The following CDH13 variants were observed in gnomAD, a reference collection of about 807,000 sequenced individuals.
CDH13 encodes cadherin-13.
In CDH13, 24 loss-of-function variants were observed where a neutral mutation model predicts 63.8. The observed-to-expected ratio is 0.38, with a 90% CI of 0.27 to 0.53. CDH13 has a LOEUF of 0.53. Ranked by LOEUF, CDH13 falls within the 20% of genes least tolerant of loss-of-function variation. The pLI, the probability that CDH13 is intolerant of heterozygous loss-of-function variation, is 0.85. For missense variants in CDH13, 1,049 were observed against 903.1 expected (o/e 1.16, Z -2.07); for synonymous variants, 503 against 355.3 (o/e 1.42, Z -4.67).
rs71148805 is a variant in CDH13 at position 83,052,776 on chromosome 16, C to CA, written c.366+20586dup. 4.6e-3 allele frequency among the ~76,000 whole-genome samples: 431 copies of CA among 92,822 alleles called. 32 individuals carry two copies. Among genetic ancestry groups the CA allele is most frequent in the South Asian group, 7.7e-3 (22 of 2,852 alleles). The allele number at this position is 92,822 out of a possible 152,430, so 60.9% of individuals were successfully genotyped here. A position where few individuals can be genotyped will look rare whatever the true frequency, so the allele number is the denominator to read the frequency against. On this transcript the variant is annotated intron_variant, in intron 3 of 13. Transcript: ENST00000567109. The stretch of plus-strand genomic sequence containing the variant: ...TGGGTGACAGGGCGAGACTTTATCT[C>CA]AAAAAAAAAAAAAAAAAAAAAAAAA...
chr16:83,047,502 T>C lies in CDH13; in HGVS notation c.366+15284T>C, dbSNP rs1917909740. Among the ~76,000 whole-genome samples, 1 of 152,170 alleles carries C rather than the reference T, an allele frequency of 6.6e-6. No homozygotes were observed. Among genetic ancestry groups the C allele is most frequent in the East Asian group, 1.9e-4 (1 of 5,196 alleles). ...CTTTCCCTCAGGCCTTTGCGTAATA[T>C]TTTCTCTGCATGGAAGGGGAGGATA... On this transcript the variant is annotated intron_variant, in intron 3 of 13. Transcript: ENST00000567109. The surrounding 1 kb of genome is among the most constrained non-coding windows in gnomAD (Gnocchi z 4.9).
At chr16:83,490,081 G>A (rs1053582673) in intron 7 of CDH13, among the ~76,000 whole-genome samples, 1 of 151,792 alleles carries the variant, frequency 6.6e-6, no homozygotes, top group Non-Finnish European at 1.5e-5. Context: ...TCACCTGAAT[G>A]AGGGACAAAG....
rs1195037870 is a variant in CDH13, at chr16:83,557,772, C to A, written c.961-44682C>A. ...TCATCTCAATGCCCATTTGTGATACCAGTTTGACCCCAGTAGCACCCAATT... is the reference window on the plus strand; with the variant it reads ...TCATCTCAATGCCCATTTGTGATACAAGTTTGACCCCAGTAGCACCCAATT... On this transcript the variant is annotated intron_variant, in intron 7 of 13. Coordinates refer to ENST00000567109, the MANE Select transcript of CDH13 (RefSeq NM_001257.5). Among the ~76,000 whole-genome samples, 2 of 152,112 alleles carry A rather than the reference C, an allele frequency of 1.3e-5. 1 individual carries two copies. Among genetic ancestry groups the A allele is most frequent in the African/African-American group, 4.8e-5 (2 of 41,482 alleles).
chr16:83,119,557 C>T (rs1276656208), intron 3 of CDH13, among the ~76,000 whole-genome samples: 4 of 152,360 alleles, frequency 2.6e-5, no homozygotes, highest in Non-Finnish European at 5.9e-5. Context: ...TTCCCATACA[C>T]TGCTCTTCTG....
chr16:83,284,221 C>T (rs775728449), intron 5 of CDH13, among the ~76,000 whole-genome samples: 4 of 152,162 alleles, frequency 2.6e-5, no homozygotes, highest in Admixed American at 6.5e-5. Context: ...CGGCTTCTCA[C>T]TTGGATTTTC....
chr16:83,372,677 G>A (rs539266972), intron 6 of CDH13, among the ~76,000 whole-genome samples: 15 of 151,112 alleles, frequency 9.9e-5, no homozygotes, highest in East Asian at 3.9e-4. Flanking sequence ...GCTTGAATCC[G>A]GGAGGCAGAG....
chr16:82,979,990 T>G (rs1437707618), intron 2 of CDH13, among the ~76,000 whole-genome samples: 1 of 152,154 alleles, frequency 6.6e-6, no homozygotes, highest in Admixed American at 6.5e-5. Context: ...ATTTAATCAT[T>G]AATGGAATAT....
chr16:82,726,656 C>T (rs1331318175), intron 1 of CDH13, among the ~76,000 whole-genome samples: 1 of 152,162 alleles, frequency 6.6e-6, no homozygotes, highest in Non-Finnish European at 1.5e-5. Flanking sequence ...GCCTCAGTCT[C>T]CTCTTCTGCA....
At chr16:83,065,648 T>G (rs966268687) in intron 3 of CDH13, among the ~76,000 whole-genome samples, 1 of 150,008 alleles carries the variant, frequency 6.7e-6, no homozygotes, top group Non-Finnish European at 1.5e-5. Context: ...GAGGTTGCAG[T>G]GAGCCAAGAT....
At chr16:83,313,533 T>G (rs900235235) in intron 5 of CDH13, among the ~76,000 whole-genome samples, 1 of 152,024 alleles carries the variant, frequency 6.6e-6, no homozygotes, top group Non-Finnish European at 1.5e-5. Flanking sequence ...GTCTGCCATT[T>G]TTAGAGGTTC....
intron 11 of CDH13, among the ~76,000 whole-genome samples, chr16:83,764,453 G>A (rs1195682788): frequency 6.6e-6 from 1 of 152,272 alleles, no homozygotes; most frequent in Admixed American, 6.5e-5. Flanking sequence ...AACTGATTTT[G>A]ACATTAAAAT....
chr16:83,517,138 C>T (rs1402660586), intron 7 of CDH13, among the ~76,000 whole-genome samples: 2 of 152,150 alleles, frequency 1.3e-5, no homozygotes, highest in Non-Finnish European at 2.9e-5. Context: ...ACAGTTCTAG[C>T]ATAAAAGGAA....
intron 4 of CDH13, among the ~76,000 whole-genome samples, chr16:83,134,544 G>GGAGAGAGAGAGAGAGAGA (rs67135267): frequency 9.5e-5 from 8 of 84,362 alleles, no homozygotes; most frequent in African/African-American, 2.9e-4. Context: ...TGGGGTGGGG[G>GGAGAGAGAGAGAGAGAGA]GAGAGAGAGA....
intron 1 of CDH13, among the ~76,000 whole-genome samples, chr16:82,650,272 G>C (rs940400222): frequency 6.6e-6 from 1 of 152,166 alleles, no homozygotes; most frequent in Non-Finnish European, 1.5e-5. Context: ...AATAAACAGA[G>C]GCTGTTCAAT....
At chr16:82,812,843 C>T (rs1382218540) in intron 1 of CDH13, among the ~76,000 whole-genome samples, 2 of 98,766 alleles carry the variant, frequency 2.0e-5, no homozygotes, top group African/African-American at 5.3e-5. Context: ...TCCTTCCTCC[C>T]TTCTTTCCTC....
rs193148487 is a variant in CDH13, at chr16:82,705,178, G to T, written c.45+78041G>T. ...GCAAAAGGATCCAGGTAAACAGATT[G>T]CTTCCAGGACTATTATTTCATGATG... is the stretch of plus-strand genomic sequence containing the variant. On this transcript the variant is annotated intron_variant, in intron 1 of 13. Coordinates refer to ENST00000567109, the MANE Select transcript of CDH13 (RefSeq NM_001257.5). 9.0e-5 allele frequency: 41 copies of T among 455,990 alleles called. No individual in the cohort carries two copies. In the East Asian group the frequency reaches 1.2e-3, roughly 13 times the overall value. 28.2% of individuals were successfully genotyped at this position (455,990 alleles called of 1,614,324 possible). A position where few individuals can be genotyped will look rare whatever the true frequency, so the allele number is the denominator to read the frequency against.
intron 6 of CDH13, among the ~76,000 whole-genome samples, chr16:83,404,423 C>T (rs2092011683): frequency 6.6e-6 from 1 of 152,184 alleles, no homozygotes; most frequent in African/African-American, 2.4e-5. Flanking sequence ...ATCCTTGTCT[C>T]AGTTTTCTTA....
chr16:82,934,432 A>G (rs921070781), intron 2 of CDH13, among the ~76,000 whole-genome samples: 1 of 152,084 alleles, frequency 6.6e-6, no homozygotes, highest in Non-Finnish European at 1.5e-5. Flanking sequence ...CATTTTTTCC[A>G]TCTAGGCCTC....
chr16:83,494,846 G>A (rs2074098890), intron 7 of CDH13, among the ~76,000 whole-genome samples: 1 of 152,146 alleles, frequency 6.6e-6, no homozygotes, highest in Non-Finnish European at 1.5e-5. Context: ...AAAGCTTGTT[G>A]ATCGTATTAT....
Sources: gnomAD v4.1 joint callset for allele counts (sites outside exome capture counted in the v4.1 genomes callset) on GRCh38, gnomAD v4.1.1 for gene constraint, Gnocchi (gnomAD v3.1) non-coding constraint, MANE v1.5 for transcripts, NCBI Gene and HGNC (gene_info 2026-07-23, HGNC 2026-07-21) for gene names.